GLRA2: variants seen among roughly 807,000 people sequenced by gnomAD.
GLRA2 encodes the protein glycine receptor alpha 2, also known as glycine receptor subunit alpha-2.
Under a neutral mutation model 31.6 loss-of-function variants are expected in GLRA2, and 11 were observed. The ratio of observed to expected loss-of-function variants is 0.35; its 90% CI spans 0.22 to 0.58. The LOEUF (loss-of-function observed/expected upper bound fraction) is 0.58. Ranked by LOEUF, GLRA2 falls within the 20% of genes least tolerant of loss-of-function variation. GLRA2 has a pLI of 0.84. For missense variants in GLRA2, 212 were observed against 351.8 expected (o/e 0.60, Z 3.18); for synonymous variants, 132 against 134.0 (o/e 0.99, Z 0.10).
chrX:14,519,918 T>C, the GLRA2 span, among the ~76,000 whole-genome samples: 1 of 112,373 alleles, frequency 8.9e-6, no homozygotes, highest in Non-Finnish European at 1.9e-5. Context: ...TATAGGACTG[T>C]TGGGTACACA....
At chrX:14,466,895 G>A in the GLRA2 span, among the ~76,000 whole-genome samples, 1 of 111,929 alleles carries the variant, frequency 8.9e-6, no homozygotes, top group Admixed American at 9.5e-5. Flanking sequence ...ACACTCTGCT[G>A]TGCATGCTAA....
Position 14,589,241 on chromosome X carries a change from C to T in GLRA2, c.494+7835C>T, listed in dbSNP as rs180679577. ...CATAGATTGCTCTTATTATTTTGAG[C>T]GATGTTCCTTTGATTCCTAGTCTGT... is the stretch of plus-strand genomic sequence containing the variant. On this transcript the variant is annotated intron_variant, in intron 4 of 8. Transcript: ENST00000218075. Among the ~76,000 whole-genome samples the T allele has an allele frequency of 2.5e-4, 28 of 110,573 alleles. No individual in the cohort carries two copies. The East Asian group carries it at 2.6e-3, about 10-fold the overall frequency.
intron 2 of GLRA2, among the ~76,000 whole-genome samples, chrX:14,557,284 T>G (rs1407094296): frequency 2.8e-5 from 3 of 107,727 alleles, no homozygotes; most frequent in Non-Finnish European, 5.8e-5. Flanking sequence ...CCCGGCTAAT[T>G]TTTTGTATTT....
chrX:14,474,583 G>T, the GLRA2 span, among the ~76,000 whole-genome samples: 1 of 111,038 alleles, frequency 9.0e-6, no homozygotes, highest in Non-Finnish European at 1.9e-5. Context: ...AGCTGACCTT[G>T]GCTGGCTTAC....
intron 7 of GLRA2, among the ~76,000 whole-genome samples, chrX:14,681,910 A>AAATATATATATATATATATAT (rs758563376): frequency 4.8e-5 from 2 of 41,278 alleles, no homozygotes; most frequent in African/African-American, 1.2e-4. Flanking sequence ...AAAAAAAAAA[A>AAATATATATATATATATATAT]ATATATATAT....
chrX:14,564,736 G>A (rs777072115), intron 2 of GLRA2, among the ~76,000 whole-genome samples: 7 of 111,620 alleles, frequency 6.3e-5, no homozygotes, highest in South Asian at 7.4e-4. Flanking sequence ...TGGAGCTATC[G>A]TATGTTATTG....
chrX:14,585,198 G>A lies in GLRA2; in HGVS notation c.494+3792G>A, dbSNP rs3027355. ...CATTTTAAGAAAATACAAGCTGTTC[G>A]GAGATTTGAACTGCAAGAATCTAAT... On this transcript the variant is annotated intron_variant, in intron 4 of 8. Transcript: ENST00000218075. Among the ~76,000 whole-genome samples the A allele has an allele frequency of 5.3e-3, 595 of 111,397 alleles. 2 individuals are homozygous for A. Among genetic ancestry groups the A allele is most frequent in the African/African-American group, 0.019 (574 of 30,688 alleles).
intron 7 of GLRA2, among the ~76,000 whole-genome samples, chrX:14,659,493 T>C (rs1373227967): frequency 3.6e-5 from 4 of 112,126 alleles, no homozygotes; most frequent in Non-Finnish European, 7.5e-5. Flanking sequence ...TCTGCAAAGG[T>C]TTCTTTGCTT....
At chrX:14,543,933 A>T (rs774646149) in intron 2 of GLRA2, among the ~76,000 whole-genome samples, 219 of 111,801 alleles carry the variant, frequency 2.0e-3, no homozygotes, top group African/African-American at 6.7e-3. Context: ...ATTTTGGAAA[A>T]TGTAGTTTTG....
chrX:14,492,859 AGGTGCT>A, the GLRA2 span, among the ~76,000 whole-genome samples: 2 of 111,886 alleles, frequency 1.8e-5, no homozygotes, highest in Non-Finnish European at 3.8e-5. Flanking sequence ...TCCAAGATCA[AGGTGCT>A]GGCAGGTCTG....
the GLRA2 span, among the ~76,000 whole-genome samples, chrX:14,484,548 G>A: frequency 4.4e-5 from 5 of 112,362 alleles, no homozygotes; most frequent in African/African-American, 6.5e-5. Context: ...TAAAGAAGAT[G>A]TGAGAGTAGC....
chrX:14,633,882 C>T (rs977531969), intron 7 of GLRA2, among the ~76,000 whole-genome samples: 1 of 111,610 alleles, frequency 9.0e-6, no homozygotes, highest in African/African-American at 3.3e-5. Flanking sequence ...AATTACCTTC[C>T]ACAAGGTCCA....
At chrX:14,498,469 C>T in the GLRA2 span, among the ~76,000 whole-genome samples, 2 of 110,472 alleles carry the variant, frequency 1.8e-5, no homozygotes, top group Non-Finnish European at 3.8e-5. Flanking sequence ...AGGTCATTGA[C>T]ATTTTTATTT....
In GLRA2 at chrX:14,574,410, G is replaced by C; in HGVS notation, c.270+10G>C. ...CACAGAAACGACCATGGTAAGTGCT[G>C]CAATGCCACTGGCAAGAGAAAGACA... is the stretch of plus-strand genomic sequence containing the variant. On this transcript the variant is annotated intron_variant, in intron 3 of 8. Transcript: ENST00000218075. 1.7e-6 allele frequency: 2 copies of C among 1,166,546 alleles called. No homozygotes were observed. Among genetic ancestry groups the C allele is most frequent in the Non-Finnish European group, 2.3e-6 (2 of 853,839 alleles).
chrX:14,566,487 C>T (rs2089808455), intron 2 of GLRA2, among the ~76,000 whole-genome samples: 1 of 112,008 alleles, frequency 8.9e-6, no homozygotes, highest in African/African-American at 3.2e-5. Context: ...AAAATCGCCA[C>T]AAGAAAAGAA....
At chrX:14,619,428 C>G (rs1299531389) in intron 7 of GLRA2, among the ~76,000 whole-genome samples, 1 of 110,693 alleles carries the variant, frequency 9.0e-6, no homozygotes, top group African/African-American at 3.3e-5. Context: ...TCTCATATCC[C>G]ACTAACCTAC....
chrX:14,510,074 TAGAG>T, the GLRA2 span, among the ~76,000 whole-genome samples: 1 of 111,069 alleles, frequency 9.0e-6, no homozygotes, highest in Non-Finnish European at 1.9e-5. Flanking sequence ...TAGGGTAAAT[TAGAG>T]AGGATTTATT....
At chrX:14,569,265 AAAAC>A (rs377412396) in intron 2 of GLRA2, among the ~76,000 whole-genome samples, 39 of 112,070 alleles carry the variant, frequency 3.5e-4, no homozygotes, top group South Asian at 7.4e-4. Context: ...AAAAAAGAAA[AAAAC>A]AAACAAACAA....
At chrX:14,521,218 T>C in the GLRA2 span, among the ~76,000 whole-genome samples, 1 of 112,400 alleles carries the variant, frequency 8.9e-6, no homozygotes, top group Admixed American at 9.4e-5. Flanking sequence ...TGTGGGTGTG[T>C]CTGTGAGGGA....
Sources: allele counts gnomAD v4.1 joint callset (sites outside exome capture counted in the v4.1 genomes callset), GRCh38; gene constraint gnomAD v4.1.1; transcripts MANE v1.5; gene names NCBI Gene and HGNC (gene_info 2026-07-23, HGNC 2026-07-21).